PARD3B: variants seen among roughly 807,000 people sequenced by gnomAD.
The protein encoded by PARD3B is partitioning defective 3 homolog B.
A neutral mutation model predicts 130.2 loss-of-function variants in PARD3B; 103 were observed. The observed-to-expected ratio is 0.79, with a 90% CI of 0.67 to 0.93. The LOEUF (loss-of-function observed/expected upper bound fraction) is 0.93, where lower values mean the gene tolerates loss of function less well. Among genes scored for constraint, PARD3B ranks in the 40% least tolerant of loss-of-function variants. PARD3B has a pLI of 0.00. For synonymous variants in PARD3B, 583 were observed against 553.2 expected, an observed-to-expected ratio of 1.05 and a Z score of -0.76; for missense variants, 1,609 against 1,499.2, an observed-to-expected ratio of 1.07 and a Z score of -1.21.
chr2:205,232,955 G>T (rs1191110817), intron 15 of PARD3B, among the ~76,000 whole-genome samples: 1 of 152,138 alleles, frequency 6.6e-6, no homozygotes, highest in East Asian at 1.9e-4. Flanking sequence ...CAGGGACAGA[G>T]AAAAAATATC....
intron 2 of PARD3B, among the ~76,000 whole-genome samples, chr2:204,713,405 A>G (rs1385065519): frequency 1.4e-5 from 2 of 142,106 alleles, no homozygotes; most frequent in Non-Finnish European, 3.0e-5. Context: ...TTGGGATAAA[A>G]TAGACGTACC....
intron 2 of PARD3B, among the ~76,000 whole-genome samples, chr2:204,691,000 A>G (rs779821257): frequency 1.3e-5 from 2 of 152,084 alleles, no homozygotes; most frequent in African/African-American, 2.4e-5. Context: ...GTTATCGTCT[A>G]TAGTGTAGAA....
At chr2:204,786,918 C>T (rs1356156010) in intron 2 of PARD3B, among the ~76,000 whole-genome samples, 6 of 151,868 alleles carry the variant, frequency 4.0e-5, no homozygotes, top group Non-Finnish European at 7.4e-5. Context: ...ATTTGCCAGT[C>T]GTACACTCTG....
chr2:205,489,972 A>C (rs757415249), intron 20 of PARD3B, among the ~76,000 whole-genome samples: 1 of 152,180 alleles, frequency 6.6e-6, no homozygotes, highest in Admixed American at 6.5e-5. Context: ...GACGATTCTC[A>C]GTCACAACAA....
rs1271431039 is a variant in PARD3B at position 205,176,491 on chromosome 2, G to A, written c.1838G>A (p.Cys613Tyr). ...TTTTCCAAGCCATGCTTTGAGAACT[G>A]TCAAAATGCTGTAACCACCTCTAGG... ...GAFSKPCFENCQNAVTTSRRN... is the reference protein window; with the variant it reads ...GAFSKPCFENYQNAVTTSRRN... The change falls in exon 13 of 23, where the codon TGT becomes TAT. Residue 613 changes from cysteine to tyrosine, a missense_variant. Coordinates refer to ENST00000406610, the MANE Select transcript of PARD3B (RefSeq NM_001302769.2). This position sits in a 1 kb window ranked among gnomAD's most constrained non-coding sequence, Gnocchi z 5.3. 6.2e-7 allele frequency: 1 copy of A among 1,612,674 alleles called. No homozygotes were observed. Among genetic ancestry groups the A allele is most frequent in the Admixed American group, 1.7e-5 (1 of 59,892 alleles).
chr2:205,347,048 T>C (rs1451591856), intron 18 of PARD3B, among the ~76,000 whole-genome samples: 1 of 152,240 alleles, frequency 6.6e-6, no homozygotes, highest in African/African-American at 2.4e-5. Context: ...CTTATTTCCA[T>C]TAAATTTCAT....
chr2:205,000,315 G>T (rs1454434086), intron 3 of PARD3B, among the ~76,000 whole-genome samples: 4 of 152,168 alleles, frequency 2.6e-5, no homozygotes, highest in African/African-American at 9.7e-5. Flanking sequence ...TCTACTGAGT[G>T]AGCCTGCTCA....
intron 3 of PARD3B, among the ~76,000 whole-genome samples, chr2:204,990,895 G>A (rs1278848633): frequency 6.6e-6 from 1 of 152,010 alleles, no homozygotes; most frequent in Non-Finnish European, 1.5e-5. Flanking sequence ...TTAGCATATG[G>A]TGTGAGATAG....
intron 3 of PARD3B, among the ~76,000 whole-genome samples, chr2:204,970,123 C>T (rs751898845): frequency 3.3e-5 from 5 of 152,058 alleles, no homozygotes; most frequent in African/African-American, 7.2e-5. Flanking sequence ...GGGAGTCTCC[C>T]GGTCCTTCCC....
intron 3 of PARD3B, among the ~76,000 whole-genome samples, chr2:205,030,781 T>C (rs898196627): frequency 2.0e-5 from 3 of 152,138 alleles, no homozygotes; most frequent in Non-Finnish European, 4.4e-5. Flanking sequence ...GGTAAATTGT[T>C]TCATGGCCAC....
At chr2:204,925,312 A>G (rs993762939) in intron 2 of PARD3B, among the ~76,000 whole-genome samples, 2 of 152,130 alleles carry the variant, frequency 1.3e-5, no homozygotes, top group Non-Finnish European at 2.9e-5. Flanking sequence ...GAAGAGAAAT[A>G]AATCAATTTT....
At chr2:205,204,416 G>A (rs891061482) in intron 15 of PARD3B, among the ~76,000 whole-genome samples, 3 of 152,118 alleles carry the variant, frequency 2.0e-5, no homozygotes, top group Non-Finnish European at 2.9e-5. Context: ...TCACTCTGAT[G>A]ATAGTTTCTT....
rs1383177954 is a variant in PARD3B at position 205,463,198 on chromosome 2, TATCTTGGCAATGAC to T, written c.3044+22529_3044+22542del. Among the ~76,000 whole-genome samples the T allele has an allele frequency of 6.6e-6, 1 of 152,190 alleles. No homozygotes were observed. The highest frequency in any genetic ancestry group is 2.4e-5 in the African/African-American group (1 of 41,464). ...TTTCTGAATGCCTAGAACTAAGGAA[TATCTTGGCAATGAC>T]ATTGCTTAGTCTTCCTTACACATAA... is the stretch of plus-strand genomic sequence containing the variant. On this transcript the variant is annotated intron_variant, in intron 20 of 22. Coordinates refer to ENST00000406610, the MANE Select transcript of PARD3B (RefSeq NM_001302769.2). This position sits in a 1 kb window ranked among gnomAD's most constrained non-coding sequence, Gnocchi z 4.8.
intron 1 of PARD3B, among the ~76,000 whole-genome samples, chr2:204,601,930 C>G (rs983902987): frequency 1.3e-5 from 2 of 152,046 alleles, no homozygotes; most frequent in Admixed American, 6.6e-5. Flanking sequence ...TTTCTGGCCC[C>G]TCTGAAGGTG....
At chr2:204,577,008 T>C (rs1191763094) in intron 1 of PARD3B, among the ~76,000 whole-genome samples, 2 of 152,148 alleles carry the variant, frequency 1.3e-5, no homozygotes, top group Non-Finnish European at 2.9e-5. Flanking sequence ...GAATTTGAAA[T>C]AAAACTTGAA....
rs917540950 is a variant in PARD3B at position 205,572,976 on chromosome 2, G to T, written c.3260+19573G>T. Among the ~76,000 whole-genome samples the T allele has an allele frequency of 6.6e-6, 1 of 152,174 alleles. No individual in the cohort carries two copies. The highest frequency in any genetic ancestry group is 6.6e-5 in the Admixed American group (1 of 15,266). On this transcript the variant is annotated intron_variant, in intron 22 of 22. Coordinates refer to ENST00000406610, the MANE Select transcript of PARD3B (RefSeq NM_001302769.2). This position sits in a 1 kb window ranked among gnomAD's most constrained non-coding sequence, Gnocchi z 4.2. ...CTAGGGAGGCCTCAGGAAACTTACA[G>T]TCATGGTAGAGGGGAAGCAAACAGA...
chr2:204,666,186 A>G (rs149333197), intron 1 of PARD3B, among the ~76,000 whole-genome samples: 1 of 152,324 alleles, frequency 6.6e-6, no homozygotes, highest in East Asian at 1.9e-4. Flanking sequence ...AAAGAAACAA[A>G]TAAGCAACTA....
At chr2:204,839,152 T>A (rs187089774) in intron 2 of PARD3B, among the ~76,000 whole-genome samples, 1 of 152,266 alleles carries the variant, frequency 6.6e-6, no homozygotes, top group East Asian at 1.9e-4. Flanking sequence ...CTGTTCTGGG[T>A]TTCTATTAGC....
Position 205,584,464 on chromosome 2 carries a change from C to T in PARD3B, c.3261-30992C>T, listed in dbSNP as rs991567418. Among the ~76,000 whole-genome samples the T allele has an allele frequency of 2.0e-5, 3 of 152,022 alleles. No homozygotes were observed. The highest frequency in any genetic ancestry group is 4.1e-4 in the South Asian group (2 of 4,822). On this transcript the variant is annotated intron_variant, in intron 22 of 22. Transcript: ENST00000406610. The surrounding 1 kb of genome is among the most constrained non-coding windows in gnomAD (Gnocchi z 5.5). ...AGGCCGAGGCAGGCCGATCACCTGACGTCAGGAGTTCGAGACCAGGCTGGC... is the reference window on the plus strand; with the variant it reads ...AGGCCGAGGCAGGCCGATCACCTGATGTCAGGAGTTCGAGACCAGGCTGGC...
Sources: allele counts gnomAD v4.1 joint callset (sites outside exome capture counted in the v4.1 genomes callset), GRCh38; gene constraint gnomAD v4.1.1; non-coding constraint Gnocchi (gnomAD v3.1); transcripts MANE v1.5; gene names NCBI Gene and HGNC (gene_info 2026-07-23, HGNC 2026-07-21).